TMEM108: variants seen among roughly 807,000 people sequenced by gnomAD.
The protein encoded by TMEM108 is cancer/testis antigen 124.
Under a neutral mutation model 35.1 loss-of-function variants are expected in TMEM108, and 12 were observed. That is an observed-to-expected ratio of 0.34 (90% CI 0.22 to 0.55). The LOEUF (loss-of-function observed/expected upper bound fraction) is 0.55, where lower values mean the gene tolerates loss of function less well. TMEM108 is among the 20% of genes least tolerant of loss of function. The pLI is 0.89. For synonymous variants in TMEM108, 287 were observed against 308.6 expected (o/e 0.93, Z 0.73); for missense variants, 680 against 753.3 (o/e 0.90, Z 1.14).
chr3:133,229,241 C>T, intron 2 of TMEM108, 25 bp from the exon 3 acceptor site: 2 of 1,486,696 alleles, frequency 1.3e-6, no homozygotes, highest in Non-Finnish European at 1.9e-6. Context: ...TCAGATGTAA[C>T]AATTTTCTTC....
intron 2 of TMEM108, among the ~76,000 whole-genome samples, chr3:133,176,625 C>G (rs1230078601): frequency 1.3e-5 from 2 of 151,032 alleles, no homozygotes; most frequent in Non-Finnish European, 3.0e-5. Flanking sequence ...CCAACGAGAA[C>G]AAAGACACAA....
chr3:133,145,459 T>C (rs1944704609), intron 2 of TMEM108, among the ~76,000 whole-genome samples: 1 of 152,202 alleles, frequency 6.6e-6, no homozygotes, highest in Non-Finnish European at 1.5e-5. Context: ...CTTTTTTGGT[T>C]CCGTATGGAA....
chr3:133,086,356 A>G (rs1186058824), intron 2 of TMEM108, among the ~76,000 whole-genome samples: 2 of 152,028 alleles, frequency 1.3e-5, no homozygotes, highest in Non-Finnish European at 2.9e-5. Flanking sequence ...AGTTTGAGGT[A>G]AGCATTAAAT....
intron 2 of TMEM108, among the ~76,000 whole-genome samples, chr3:133,155,599 A>G (rs1041464599): frequency 6.6e-6 from 1 of 152,132 alleles, no homozygotes. Flanking sequence ...CATTTCTCTA[A>G]TGATCAGTGA....
intron 2 of TMEM108, among the ~76,000 whole-genome samples, chr3:133,159,386 T>C (rs2107777005): frequency 6.6e-6 from 1 of 152,340 alleles, no homozygotes; most frequent in African/African-American, 2.4e-5. Flanking sequence ...CTCTTTCTTC[T>C]CTTTGGCTGC....
Position 133,381,175 on chromosome 3 carries a change from T to C in TMEM108, c.1450+14T>C. ...TCTCCTCCTGCTGTAAGTGCCGCCC[T>C]CTCCCACCCATCCTCTCCCTCTACC... On this transcript the variant is annotated intron_variant, in intron 4 of 5. Transcript: ENST00000321871. The C allele has an allele frequency of 6.3e-7, 1 of 1,574,878 alleles. No homozygotes were observed. Among genetic ancestry groups the C allele is most frequent in the South Asian group, 1.2e-5 (1 of 84,912 alleles).
intron 3 of TMEM108, among the ~76,000 whole-genome samples, chr3:133,356,519 A>G (rs2072175382): frequency 6.6e-6 from 1 of 152,212 alleles, no homozygotes; most frequent in Non-Finnish European, 1.5e-5. Context: ...AATCAAAGCA[A>G]TACTAAGCAA....
chr3:133,167,951 T>A (rs1945069426), intron 2 of TMEM108, among the ~76,000 whole-genome samples: 1 of 152,124 alleles, frequency 6.6e-6, no homozygotes, highest in Non-Finnish European at 1.5e-5. Context: ...CTCAGTTTAT[T>A]CCAAGGGTAG....
chr3:133,176,581 G>A (rs1576363093), intron 2 of TMEM108, among the ~76,000 whole-genome samples: 3 of 152,028 alleles, frequency 2.0e-5, no homozygotes, highest in Admixed American at 6.5e-5. Flanking sequence ...GGTACATAAC[G>A]AAATGAAGGC....
At chr3:133,041,321 A>T (rs1375958112) in intron 1 of TMEM108, among the ~76,000 whole-genome samples, 3 of 152,082 alleles carry the variant, frequency 2.0e-5, no homozygotes, top group African/African-American at 7.2e-5. Flanking sequence ...AGAAGGGCTC[A>T]CAGAGACCTA....
chr3:133,187,095 T>C (rs1328950892), intron 2 of TMEM108, among the ~76,000 whole-genome samples: 5 of 152,218 alleles, frequency 3.3e-5, no homozygotes, highest in Non-Finnish European at 7.3e-5. Flanking sequence ...AAAATAATTT[T>C]GAGTCCACAT....
chr3:133,337,641 C>A (rs1044917177), intron 3 of TMEM108, among the ~76,000 whole-genome samples: 6 of 152,038 alleles, frequency 3.9e-5, no homozygotes, highest in Non-Finnish European at 1.5e-5. Context: ...AATGCCCAGA[C>A]GTCGAAGAAC....
intron 2 of TMEM108, among the ~76,000 whole-genome samples, chr3:133,208,533 A>G (rs1435368114): frequency 6.6e-6 from 1 of 152,058 alleles, no homozygotes; most frequent in Admixed American, 6.6e-5. Flanking sequence ...TATTTCTTCT[A>G]TTGATTTGGG....
intron 3 of TMEM108, among the ~76,000 whole-genome samples, chr3:133,249,958 T>C (rs74612669): frequency 1.3e-5 from 2 of 152,166 alleles, no homozygotes; most frequent in Non-Finnish European, 2.9e-5. Flanking sequence ...TTAATTTTTT[T>C]AAGAGAAAGG....
intron 3 of TMEM108, among the ~76,000 whole-genome samples, chr3:133,366,556 T>A (rs568081736): frequency 4.6e-5 from 7 of 152,334 alleles, no homozygotes; most frequent in African/African-American, 1.7e-4. Flanking sequence ...TAGGCCATCT[T>A]CCATTGTTCT....
chr3:133,308,026 T>G (rs1378504293), intron 3 of TMEM108, among the ~76,000 whole-genome samples: 1 of 152,166 alleles, frequency 6.6e-6, no homozygotes, highest in Non-Finnish European at 1.5e-5. Flanking sequence ...TGTGTCCTCT[T>G]TTGTTTCATT....
chr3:133,189,300 A>G (rs1230660174), intron 2 of TMEM108, among the ~76,000 whole-genome samples: 1 of 152,204 alleles, frequency 6.6e-6, no homozygotes, highest in Non-Finnish European at 1.5e-5. Flanking sequence ...ACCTTTACAT[A>G]GAGAGGAGGA....
intron 2 of TMEM108, among the ~76,000 whole-genome samples, chr3:133,100,356 T>C (rs1944072025): frequency 6.6e-6 from 1 of 152,158 alleles, no homozygotes; most frequent in African/African-American, 2.4e-5. Flanking sequence ...TCCCAGCATT[T>C]TGGGAGGCTG....
chr3:133,156,576 A>G (rs1944884820), intron 2 of TMEM108, among the ~76,000 whole-genome samples: 1 of 152,198 alleles, frequency 6.6e-6, no homozygotes, highest in South Asian at 2.1e-4. Flanking sequence ...TTGTTTGTAA[A>G]ATGGGATGCA....
Sources: gnomAD v4.1 joint callset for allele counts (sites outside exome capture counted in the v4.1 genomes callset) on GRCh38, gnomAD v4.1.1 for gene constraint, MANE v1.5 for transcripts, NCBI Gene and HGNC (gene_info 2026-07-23, HGNC 2026-07-21) for gene names.